UMAD1: variants seen among roughly 807,000 people sequenced by gnomAD.
UMAD1 encodes UBAP1-MVB12-associated (UMA)-domain containing protein 1.
In UMAD1, 8 loss-of-function variants were observed where a neutral mutation model predicts 6.1. The observed-to-expected ratio is 1.30, with a 90% CI of 0.76 to 2.35. The LOEUF (loss-of-function observed/expected upper bound fraction) is 2.35, where lower values mean the gene tolerates loss of function less well. Among genes scored for constraint, UMAD1 ranks in the 30% most tolerant of loss-of-function variants. The probability of loss-of-function intolerance (pLI) is 0.00; values close to 1 mark genes in which losing one functional copy is unlikely to be tolerated. For synonymous variants in UMAD1, 56 were observed against 31.4 expected (o/e 1.78, Z -2.61); for missense variants, 130 against 78.4 (o/e 1.66, Z -2.49).
At chr7:7,645,980 G>GGC (rs1785084945) in intron 1 of UMAD1, among the ~76,000 whole-genome samples, 1 of 152,120 alleles carries the variant, frequency 6.6e-6, no homozygotes, top group Non-Finnish European at 1.5e-5. Context: ...CTCGGCTGCC[G>GGC]TGTACTCAAA....
At chr7:7,768,908 G>A (rs1373800551) in intron 2 of UMAD1, among the ~76,000 whole-genome samples, 2 of 151,998 alleles carry the variant, frequency 1.3e-5, no homozygotes. Flanking sequence ...GTCAGTAGCT[G>A]TTTGCTGAAT....
chr7:7,811,279 C>G (rs1357931102), intron 3 of UMAD1, among the ~76,000 whole-genome samples: 2 of 152,022 alleles, frequency 1.3e-5, no homozygotes, highest in African/African-American at 2.4e-5. Context: ...ATATAAAACC[C>G]TTTCTAATTT....
intron 3 of UMAD1, among the ~76,000 whole-genome samples, chr7:7,855,551 G>A (rs574464465): frequency 6.6e-6 from 1 of 152,302 alleles, no homozygotes; most frequent in Non-Finnish European, 1.5e-5. Context: ...TAGGATACAG[G>A]GCACCAAATC....
At chr7:7,863,716 A>G (rs1784170187) in intron 3 of UMAD1, among the ~76,000 whole-genome samples, 1 of 152,222 alleles carries the variant, frequency 6.6e-6, no homozygotes, top group African/African-American at 2.4e-5. Flanking sequence ...AAGAGCCACC[A>G]AACAGAGAAA....
intron 2 of UMAD1, among the ~76,000 whole-genome samples, chr7:7,691,343 A>G (rs1780167818): frequency 1.3e-5 from 2 of 152,214 alleles, no homozygotes. Flanking sequence ...TGTAGTCGTC[A>G]TCATTATTTT....
At chr7:7,857,759 A>C (rs1393736294) in intron 3 of UMAD1, among the ~76,000 whole-genome samples, 1 of 152,254 alleles carries the variant, frequency 6.6e-6, no homozygotes, top group Non-Finnish European at 1.5e-5. Flanking sequence ...TATAAAAATG[A>C]CACATAATAC....
intron 3 of UMAD1, among the ~76,000 whole-genome samples, chr7:7,851,960 G>A (rs189464506): frequency 1.3e-5 from 2 of 152,054 alleles, no homozygotes; most frequent in African/African-American, 4.8e-5. Context: ...AAAATGTGAG[G>A]CCCTGAAGAT....
chr7:7,873,259 C>A (rs1412947952), intron 3 of UMAD1, among the ~76,000 whole-genome samples: 3 of 152,158 alleles, frequency 2.0e-5, no homozygotes, highest in African/African-American at 7.2e-5. Context: ...AATCTGTGCT[C>A]CTAACCACTT....
intron 1 of UMAD1, among the ~76,000 whole-genome samples, chr7:7,659,858 T>A (rs111420448): frequency 7.2e-5 from 11 of 152,338 alleles, no homozygotes; most frequent in African/African-American, 2.6e-4. Flanking sequence ...AATATCCTTG[T>A]TAATTTTCTG....
At chr7:7,748,010 C>G (rs538526308) in intron 2 of UMAD1, among the ~76,000 whole-genome samples, 51 of 152,092 alleles carry the variant, frequency 3.4e-4, no homozygotes, top group African/African-American at 1.2e-3. Flanking sequence ...GATCTCGGCT[C>G]ACTGCAACCT....
At chr7:7,828,257 CT>C (rs1185096476) in intron 3 of UMAD1, among the ~76,000 whole-genome samples, 1 of 152,030 alleles carries the variant, frequency 6.6e-6, no homozygotes, top group Non-Finnish European at 1.5e-5. Flanking sequence ...ATAATAAAAG[CT>C]ATTATTTGTT....
At chr7:7,744,926 C>T (rs1781542591) in intron 2 of UMAD1, among the ~76,000 whole-genome samples, 1 of 152,122 alleles carries the variant, frequency 6.6e-6, no homozygotes, top group East Asian at 1.9e-4. Flanking sequence ...GCACTGACCC[C>T]TGTGCACAGT....
intron 2 of UMAD1, among the ~76,000 whole-genome samples, chr7:7,699,988 T>C (rs1321169865): frequency 2.0e-5 from 3 of 152,246 alleles, no homozygotes; most frequent in East Asian, 3.8e-4. Context: ...TCTCATGAAG[T>C]AAGTGTGGTG....
intron 2 of UMAD1, among the ~76,000 whole-genome samples, chr7:7,746,973 G>C (rs1345564731): frequency 6.6e-6 from 1 of 151,936 alleles, no homozygotes; most frequent in East Asian, 1.9e-4. Flanking sequence ...GTGTGTGTGT[G>C]TGTGTGTGTG....
chr7:7,682,433 A>T (rs1466971052), intron 2 of UMAD1, among the ~76,000 whole-genome samples: 1 of 152,156 alleles, frequency 6.6e-6, no homozygotes, highest in African/African-American at 2.4e-5. Flanking sequence ...TTAAACTATC[A>T]TATTTTTATA....
intron 3 of UMAD1, among the ~76,000 whole-genome samples, chr7:7,867,954 G>C (rs1187496658): frequency 6.6e-6 from 1 of 152,092 alleles, no homozygotes; most frequent in African/African-American, 2.4e-5. Flanking sequence ...TTGTTGGGGG[G>C]TAGAGCAGAT....
chr7:7,860,761 C>T (rs1260509748), intron 3 of UMAD1, among the ~76,000 whole-genome samples: 8 of 141,836 alleles, frequency 5.6e-5, no homozygotes, highest in Middle Eastern at 3.5e-3. Context: ...GGCGACAAAG[C>T]GAGACTCCAT....
chr7:7,762,447 C>G (rs1383258389), intron 2 of UMAD1, among the ~76,000 whole-genome samples: 2 of 152,146 alleles, frequency 1.3e-5, no homozygotes, highest in African/African-American at 4.8e-5. Context: ...GTGTAAGTTA[C>G]TTTTCCTTTC....
intron 2 of UMAD1, among the ~76,000 whole-genome samples, chr7:7,703,054 C>T (rs1180957026): frequency 2.6e-5 from 4 of 152,182 alleles, no homozygotes; most frequent in Non-Finnish European, 5.9e-5. Flanking sequence ...CTAGTTAGTA[C>T]TACACTGAGT....
Sources: gnomAD v4.1 joint callset for allele counts (sites outside exome capture counted in the v4.1 genomes callset) on GRCh38, gnomAD v4.1.1 for gene constraint, MANE v1.5 for transcripts, NCBI Gene and HGNC (gene_info 2026-07-23, HGNC 2026-07-21) for gene names.